Variants in LRP1B observed in about 807,000 individuals in gnomAD.
LRP1B encodes low-density lipoprotein receptor-related protein 1B.
In LRP1B, 217 loss-of-function variants were observed where a neutral mutation model predicts 556.6. The ratio of observed to expected loss-of-function variants is 0.39; its 90% CI spans 0.35 to 0.44. LRP1B has a LOEUF of 0.44. LRP1B is among the 20% of genes least tolerant of loss of function. The pLI is 1.00. For synonymous variants in LRP1B, 2,047 were observed against 1,865.8 expected (o/e 1.10, Z -2.50); for missense variants, 5,053 against 5,620.8 (o/e 0.90, Z 3.23).
chr2:141,494,495 T>G (rs142355012), intron 2 of LRP1B, among the ~76,000 whole-genome samples: 7 of 151,802 alleles, frequency 4.6e-5, no homozygotes, highest in Non-Finnish European at 7.4e-5. Flanking sequence ...TTTGAGTGAG[T>G]TCATATGACT....
At chr2:141,038,873 C>A (rs560816849) in intron 11 of LRP1B, among the ~76,000 whole-genome samples, 3 of 152,070 alleles carry the variant, frequency 2.0e-5, no homozygotes, top group African/African-American at 7.2e-5. Context: ...TATTTTAATT[C>A]ATGCTGAATA....
intron 37 of LRP1B, among the ~76,000 whole-genome samples, chr2:140,707,925 T>C (rs1447833262): frequency 2.0e-5 from 3 of 152,106 alleles, no homozygotes; most frequent in African/African-American, 4.8e-5. Flanking sequence ...TACTGCACTT[T>C]TCAAATTTTT....
At chr2:140,881,993 T>G (rs1353737973) in intron 25 of LRP1B, among the ~76,000 whole-genome samples, 1 of 152,194 alleles carries the variant, frequency 6.6e-6, no homozygotes, top group African/African-American at 2.4e-5. Flanking sequence ...AAATCTATCT[T>G]GTTTGGAGAG....
chr2:141,978,473 A>T (rs1328672904), intron 1 of LRP1B, among the ~76,000 whole-genome samples: 1 of 152,042 alleles, frequency 6.6e-6, no homozygotes, highest in Non-Finnish European at 1.5e-5. Context: ...AAGGTGTCTA[A>T]AAATAAGCTT....
At chr2:141,217,444 C>A (rs1432986791) in intron 6 of LRP1B, among the ~76,000 whole-genome samples, 1 of 152,088 alleles carries the variant, frequency 6.6e-6, no homozygotes, top group Non-Finnish European at 1.5e-5. Context: ...TAGACAGTTG[C>A]TAACTCAACG....
chr2:141,625,722 G>T (rs1688681276), intron 2 of LRP1B, among the ~76,000 whole-genome samples: 1 of 152,052 alleles, frequency 6.6e-6, no homozygotes, highest in African/African-American at 2.4e-5. Flanking sequence ...ACTTTTTATA[G>T]ACATCAGTGT....
rs750992977 is a variant in LRP1B at position 140,353,017 on chromosome 2, T to C, written c.11586A>G (p.Glu3862=). Residue 3862 remains glutamate, a synonymous_variant, in exon 76 of 91, where the codon GAA becomes GAG. Transcript: ENST00000389484. The part of the protein sequence containing the change: ...GTCSHQCINV[E]GSYKCVCDQN... ...GGTCACACACACATTTATATGATCC[T>C]TCCACATTTATACATTGATGGGAAC... is the stretch of plus-strand genomic sequence containing the variant. 6.2e-7 allele frequency: 1 copy of C among 1,612,880 alleles called. No individual in the cohort carries two copies.
chr2:141,653,864 CT>C (rs1689895222), intron 2 of LRP1B, among the ~76,000 whole-genome samples: 1 of 151,982 alleles, frequency 6.6e-6, no homozygotes, highest in South Asian at 2.1e-4. Flanking sequence ...TCTTTTTTTT[CT>C]TTTATAAAAA....
At chr2:140,927,900 TTTTA>T (rs1694935571) in intron 20 of LRP1B, among the ~76,000 whole-genome samples, 1 of 151,566 alleles carries the variant, frequency 6.6e-6, no homozygotes, top group Admixed American at 6.6e-5. Context: ...TTATTTTTTA[TTTTA>T]TTTATTTATT....
intron 84 of LRP1B, among the ~76,000 whole-genome samples, chr2:140,294,275 T>C (rs1423546902): frequency 6.6e-6 from 1 of 152,186 alleles, no homozygotes; most frequent in Non-Finnish European, 1.5e-5. Context: ...AGTTACAAGA[T>C]CATTGAACAC....
At chr2:140,435,171 A>T (rs553508382) in intron 66 of LRP1B, among the ~76,000 whole-genome samples, 34 of 152,330 alleles carry the variant, frequency 2.2e-4, no homozygotes, top group African/African-American at 7.7e-4. Context: ...TCTAAAACAA[A>T]GACAAATATT....
chr2:141,768,439 C>T (rs964943953), intron 2 of LRP1B, among the ~76,000 whole-genome samples: 2 of 151,896 alleles, frequency 1.3e-5, no homozygotes. Context: ...AGTGGCATTT[C>T]CAGTATAAGT....
intron 37 of LRP1B, among the ~76,000 whole-genome samples, chr2:140,715,247 A>T (rs935192261): frequency 2.0e-5 from 3 of 151,956 alleles, no homozygotes; most frequent in Admixed American, 6.6e-5. Flanking sequence ...AAGTAAGCAG[A>T]TGTATATTAA....
chr2:140,352,900 A>G, intron 76 of LRP1B, 53 bp downstream of exon 76: 1 of 1,539,788 alleles, frequency 6.5e-7, no homozygotes, highest in Non-Finnish European at 8.8e-7. Flanking sequence ...TTTCTCCATA[A>G]AATGTTTACA....
At chr2:140,735,880 C>A (rs1011839838) in intron 35 of LRP1B, among the ~76,000 whole-genome samples, 8 of 152,024 alleles carry the variant, frequency 5.3e-5, no homozygotes, top group Admixed American at 2.0e-4. Flanking sequence ...GCTGCACAAC[C>A]AGAAAGGACC....
intron 2 of LRP1B, among the ~76,000 whole-genome samples, chr2:141,770,458 T>G (rs1015880653): frequency 2.6e-5 from 4 of 152,252 alleles, no homozygotes; most frequent in African/African-American, 9.6e-5. Flanking sequence ...AATTTTGATC[T>G]ACTGAAGGTC....
In LRP1B at chr2:140,463,919, G is replaced by T. The variant is rs368275473; in HGVS notation, c.9626-6268C>A. Among the ~76,000 whole-genome samples, 43 of 152,312 alleles carry T rather than the reference G, an allele frequency of 2.8e-4. No individual in the cohort carries two copies. The South Asian group carries it at 8.9e-3, about 32-fold the overall frequency. On this transcript the variant is annotated intron_variant, in intron 60 of 90. Transcript: ENST00000389484. Reference sequence around the variant, plus strand: ...AGCATAGAAATTAATACTGTGGCCAGGAGTGGTGGCTCACGCCTGTAATCC... The same window carrying T: ...AGCATAGAAATTAATACTGTGGCCATGAGTGGTGGCTCACGCCTGTAATCC...
rs149386556 is a variant in LRP1B, at chr2:141,254,854, G to A, written c.344-213C>T. Among the ~76,000 whole-genome samples, 724 of 151,972 alleles carry A rather than the reference G, an allele frequency of 4.8e-3. 5 individuals are homozygous for A. The highest frequency in any genetic ancestry group is 0.017 in the African/African-American group (692 of 41,500). On this transcript the variant is annotated intron_variant, in intron 3 of 90. Coordinates refer to ENST00000389484, the MANE Select transcript of LRP1B (RefSeq NM_018557.3). Reference sequence around the variant, plus strand: ...TCGAGATCAATCTGTTTGGTCTCCCGCTTTTTAGCTTATTACTGTGTTCAT... The same window carrying A: ...TCGAGATCAATCTGTTTGGTCTCCCACTTTTTAGCTTATTACTGTGTTCAT...
At chr2:140,892,320 C>A (rs1388238555) in intron 23 of LRP1B, among the ~76,000 whole-genome samples, 1 of 151,950 alleles carries the variant, frequency 6.6e-6, no homozygotes, top group African/African-American at 2.4e-5. Context: ...TGAACGGAGG[C>A]AGTATCGGAA....
Sources: gnomAD v4.1 joint callset for allele counts (sites outside exome capture counted in the v4.1 genomes callset) on GRCh38, gnomAD v4.1.1 for gene constraint, MANE v1.5 for transcripts, NCBI Gene and HGNC (gene_info 2026-07-23, HGNC 2026-07-21) for gene names.